Variants in RIMS2 observed in about 807,000 individuals in gnomAD.
The protein encoded by RIMS2 is regulating synaptic membrane exocytosis protein 2.
A neutral mutation model predicts 174.4 loss-of-function variants in RIMS2; 59 were observed. The ratio of observed to expected loss-of-function variants is 0.34; its 90% confidence interval spans 0.27 to 0.42. The LOEUF is 0.42. Ranked by LOEUF, RIMS2 falls within the 10% of genes least tolerant of loss-of-function variation. The pLI is 1.00. For missense variants in RIMS2, 1,620 were observed against 1,666.3 expected, an observed-to-expected ratio of 0.97 and a Z score of 0.48; for synonymous variants, 606 against 572.5, an observed-to-expected ratio of 1.06 and a Z score of -0.84.
chr8:104,010,161 G>GA (rs1597070097), intron 17 of RIMS2, among the ~76,000 whole-genome samples: 1 of 152,042 alleles, frequency 6.6e-6, no homozygotes, highest in Non-Finnish European at 1.5e-5. Flanking sequence ...ATTGAATTAA[G>GA]AAACCTAAAG....
At chr8:103,764,231 C>T (rs1202235546) in intron 2 of RIMS2, among the ~76,000 whole-genome samples, 1 of 152,208 alleles carries the variant, frequency 6.6e-6, no homozygotes, top group East Asian at 1.9e-4. Flanking sequence ...GGATAATTGT[C>T]TGTCTCACAA....
At chr8:104,226,870 A>G (rs2099190893) in intron 19 of RIMS2, among the ~76,000 whole-genome samples, 1 of 152,218 alleles carries the variant, frequency 6.6e-6, no homozygotes, top group Non-Finnish European at 1.5e-5. Flanking sequence ...TTTGAAATTT[A>G]TAATCTAATT....
intron 19 of RIMS2, among the ~76,000 whole-genome samples, chr8:104,166,059 C>CTTTTTTTTTTTTTT (rs560648211): frequency 2.0e-5 from 2 of 97,854 alleles, no homozygotes; most frequent in Non-Finnish European, 4.0e-5. Flanking sequence ...TTTTGGATTT[C>CTTTTTTTTTTTTTT]TTTTTTTTTT....
At chr8:103,631,153 T>C (rs1402066737) in intron 1 of RIMS2, among the ~76,000 whole-genome samples, 1 of 152,256 alleles carries the variant, frequency 6.6e-6, no homozygotes, top group Admixed American at 6.5e-5. Flanking sequence ...TTTTTGCTTT[T>C]GTTGCAATTC....
chr8:103,936,510 T>G, intron 12 of RIMS2, 41 bp from the exon 15 acceptor site: 1 of 1,314,018 alleles, frequency 7.6e-7, no homozygotes, highest in Non-Finnish European at 1.0e-6. Flanking sequence ...ACAAAACTTA[T>G]AGTTCTATGT....
At chr8:103,640,616 A>C (rs1230338037) in intron 1 of RIMS2, among the ~76,000 whole-genome samples, 2 of 152,086 alleles carry the variant, frequency 1.3e-5, no homozygotes, top group Admixed American at 1.3e-4. Context: ...CTTGACTCAC[A>C]TATTTTTAGA....
chr8:103,592,570 C>T (rs1162144289), intron 1 of RIMS2, among the ~76,000 whole-genome samples: 1 of 151,312 alleles, frequency 6.6e-6, no homozygotes, highest in Non-Finnish European at 1.5e-5. Context: ...AACAGTGGTT[C>T]TCAAAGTGTG....
chr8:103,607,044 A>G (rs1301178043), intron 1 of RIMS2, among the ~76,000 whole-genome samples: 1 of 151,468 alleles, frequency 6.6e-6, no homozygotes, highest in African/African-American at 2.4e-5. Context: ...TCTTGTCGTT[A>G]TGATGTTAGC....
chr8:104,123,980 A>G (rs777461383), intron 19 of RIMS2, among the ~76,000 whole-genome samples: 1 of 152,180 alleles, frequency 6.6e-6, no homozygotes, highest in Non-Finnish European at 1.5e-5. Context: ...GTATGCCTAT[A>G]TGTGGAATCA....
intron 2 of RIMS2, among the ~76,000 whole-genome samples, chr8:103,698,498 A>G (rs2097132381): frequency 6.6e-6 from 1 of 152,196 alleles, no homozygotes; most frequent in South Asian, 2.1e-4. Context: ...TGTTGAGATT[A>G]ATCATATGTT....
exon 1 of RIMS2, chr8:103,500,934 G>T (rs1819355160): frequency 6.2e-7 from 1 of 1,607,922 alleles, no homozygotes; most frequent in South Asian, 1.1e-5. Flanking sequence ...CCATCCCGGC[G>T]GCCTCTCAGC....
chr8:103,519,732 A>T (rs959030487), intron 1 of RIMS2, among the ~76,000 whole-genome samples: 67 of 111,136 alleles, frequency 6.0e-4, no homozygotes, highest in African/African-American at 2.1e-3. Flanking sequence ...TGGCTTTACT[A>T]CTTTTTTTTT....
At chr8:103,663,592 T>G (rs989948654) in intron 1 of RIMS2, among the ~76,000 whole-genome samples, 5 of 152,176 alleles carry the variant, frequency 3.3e-5, no homozygotes, top group African/African-American at 1.2e-4. Flanking sequence ...GAGGGACCTC[T>G]TCAAGGAGAA....
chr8:103,786,205 T>C (rs558084030), intron 3 of RIMS2, among the ~76,000 whole-genome samples: 1 of 150,988 alleles, frequency 6.6e-6, no homozygotes, highest in South Asian at 2.1e-4. Flanking sequence ...ATTTTGTTGA[T>C]CCTTTCAAAA....
rs140515767 is a variant in RIMS2, at chr8:103,703,602, A to G, written c.387+6306A>G. 1.4e-4 allele frequency among the ~76,000 whole-genome samples: 21 copies of G among 152,236 alleles called. No homozygotes were observed. In the East Asian group the frequency reaches 4.1e-3, roughly 29 times the overall value. ...CTTTTGGTAGTTTCAACATTTTAAC[A>G]GTAGCAATTCTTTCAATCCATGATA... On this transcript the variant is annotated intron_variant, in intron 2 of 23. Coordinates refer to ENST00000504942, the Ensembl canonical transcript of RIMS2.
intron 1 of RIMS2, among the ~76,000 whole-genome samples, chr8:103,550,358 G>A (rs1254426224): frequency 6.6e-6 from 1 of 152,116 alleles, no homozygotes; most frequent in African/African-American, 2.4e-5. Flanking sequence ...AATGGCCCCT[G>A]GGTACCATAA....
chr8:103,898,933 C>G (rs576756010), intron 4 of RIMS2, among the ~76,000 whole-genome samples: 7 of 150,614 alleles, frequency 4.6e-5, no homozygotes, highest in African/African-American at 7.4e-5. Context: ...CAAGTGTTCT[C>G]ATTCTTCATT....
chr8:103,833,789 A>T (rs985787131), intron 3 of RIMS2, among the ~76,000 whole-genome samples: 1 of 152,028 alleles, frequency 6.6e-6, no homozygotes. Context: ...TAGTTGTTAT[A>T]GTGGCTTTAA....
chr8:103,990,630 G>A (rs1432429210), intron 17 of RIMS2, among the ~76,000 whole-genome samples: 1 of 151,970 alleles, frequency 6.6e-6, no homozygotes, highest in Admixed American at 6.6e-5. Context: ...GTTGAAAGGA[G>A]TCATATTAGG....
Sources: gnomAD v4.1 joint callset for allele counts (sites outside exome capture counted in the v4.1 genomes callset) on GRCh38, gnomAD v4.1.1 for gene constraint, MANE v1.5 for transcripts, NCBI Gene and HGNC (gene_info 2026-07-23, HGNC 2026-07-21) for gene names.